The following FHIT variants were observed in gnomAD, a reference collection of about 807,000 sequenced individuals.
FHIT encodes the protein fragile histidine triad diadenosine triphosphatase.
In FHIT, 19 loss-of-function variants were observed where a neutral mutation model predicts 17.9. That is an observed-to-expected ratio of 1.06 (90% CI 0.74 to 1.56). The LOEUF (loss-of-function observed/expected upper bound fraction) is 1.56. Among genes scored for constraint, FHIT ranks in the 40% most tolerant of loss-of-function variants. The pLI, the probability that FHIT is intolerant of heterozygous loss-of-function variation, is 0.00. For synonymous variants in FHIT, 81 were observed against 69.7 expected (o/e 1.16, Z -0.81); for missense variants, 248 against 189.2 (o/e 1.31, Z -1.82).
At chr3:59,761,246 G>C (rs1341215255) in intron 8 of FHIT, among the ~76,000 whole-genome samples, 1 of 152,182 alleles carries the variant, frequency 6.6e-6, no homozygotes, top group Non-Finnish European at 1.5e-5. Context: ...TCAAGTAATA[G>C]TAAGCCCTAA....
intron 8 of FHIT, among the ~76,000 whole-genome samples, chr3:59,855,461 C>T (rs893568537): frequency 1.3e-5 from 2 of 152,092 alleles, no homozygotes; most frequent in African/African-American, 4.8e-5. Flanking sequence ...GGATTCCATC[C>T]TTATTTAATC....
At chr3:60,548,072 G>A (rs2036426692) in intron 4 of FHIT, among the ~76,000 whole-genome samples, 1 of 151,854 alleles carries the variant, frequency 6.6e-6, no homozygotes, top group African/African-American at 2.4e-5. Flanking sequence ...CCCTTAATCT[G>A]GTGGGCACAA....
At chr3:60,263,603 C>G (rs1024199842) in intron 5 of FHIT, among the ~76,000 whole-genome samples, 1 of 151,872 alleles carries the variant, frequency 6.6e-6, no homozygotes, top group Non-Finnish European at 1.5e-5. Flanking sequence ...ATACAAAATA[C>G]TTAAAAAGCC....
intron 4 of FHIT, among the ~76,000 whole-genome samples, chr3:60,812,465 A>G (rs1467068572): frequency 6.6e-6 from 1 of 152,160 alleles, no homozygotes; most frequent in Non-Finnish European, 1.5e-5. Context: ...CCAGAAGTAC[A>G]GAACTTTATC....
intron 4 of FHIT, among the ~76,000 whole-genome samples, chr3:60,797,655 G>C (rs1159174523): frequency 1.3e-5 from 2 of 149,182 alleles, no homozygotes; most frequent in African/African-American, 5.0e-5. Flanking sequence ...TTTAAATTTA[G>C]GTTGCAACAT....
At chr3:60,993,002 G>T (rs368090704) in intron 3 of FHIT, among the ~76,000 whole-genome samples, 1 of 152,234 alleles carries the variant, frequency 6.6e-6, no homozygotes, top group African/African-American at 2.4e-5. Context: ...GTCCCATCGC[G>T]TGGCATTAAA....
chr3:60,176,225 G>T (rs1280024293), intron 5 of FHIT, among the ~76,000 whole-genome samples: 1 of 152,048 alleles, frequency 6.6e-6, no homozygotes, highest in African/African-American at 2.4e-5. Flanking sequence ...GTTGGTATGT[G>T]CCTGTAATCC....
At chr3:60,462,989 G>C (rs2032570277) in intron 5 of FHIT, among the ~76,000 whole-genome samples, 1 of 152,178 alleles carries the variant, frequency 6.6e-6, no homozygotes, top group Admixed American at 6.5e-5. Flanking sequence ...CACACTGAGG[G>C]AGCAGCTGCT....
intron 3 of FHIT, among the ~76,000 whole-genome samples, chr3:60,993,656 A>C (rs971984393): frequency 1.3e-5 from 2 of 152,250 alleles, no homozygotes; most frequent in African/African-American, 4.8e-5. Flanking sequence ...AAAAGCAGGA[A>C]AGATATACTA....
Position 60,239,035 on chromosome 3 carries a change from T to G in FHIT, c.104-224883A>C, listed in dbSNP as rs533212093. ...GCATTTTTCTAAGAATGTATATACT[T>G]AGCCCAGGTCTGTTGCACACTGCAG... On this transcript the variant is annotated intron_variant, in intron 5 of 9. Coordinates refer to ENST00000492590, the MANE Select transcript of FHIT (RefSeq NM_002012.4). Among the ~76,000 whole-genome samples the G allele has an allele frequency of 2.0e-5, 3 of 152,322 alleles. No homozygotes were observed. The East Asian group carries it at 5.8e-4, about 29-fold the overall frequency.
chr3:59,924,460 A>G (rs1575704847), intron 7 of FHIT, among the ~76,000 whole-genome samples: 4 of 152,156 alleles, frequency 2.6e-5, no homozygotes, highest in South Asian at 2.1e-4. Context: ...CACAAAGTCT[A>G]TGTGTCAGTA....
chr3:60,175,099 A>C (rs1701609181), intron 5 of FHIT, among the ~76,000 whole-genome samples: 1 of 152,182 alleles, frequency 6.6e-6, no homozygotes, highest in South Asian at 2.1e-4. Context: ...TTCTGTGACG[A>C]TGACACTATG....
intron 7 of FHIT, among the ~76,000 whole-genome samples, chr3:59,980,300 G>C (rs1398822082): frequency 2.0e-5 from 3 of 152,136 alleles, no homozygotes; most frequent in Non-Finnish European, 4.4e-5. Flanking sequence ...TGGCTGAATG[G>C]ACAACAAGGA....
At chr3:60,661,376 A>G (rs2040243406) in intron 4 of FHIT, among the ~76,000 whole-genome samples, 1 of 152,154 alleles carries the variant, frequency 6.6e-6, no homozygotes, top group Non-Finnish European at 1.5e-5. Flanking sequence ...TGTGAATATC[A>G]TTATTTCATT....
intron 4 of FHIT, among the ~76,000 whole-genome samples, chr3:60,618,632 G>A (rs1366475999): frequency 6.6e-6 from 1 of 152,196 alleles, no homozygotes; most frequent in East Asian, 1.9e-4. Context: ...CACACCTAAA[G>A]ATGTCAACGT....
At chr3:60,298,973 T>G (rs9311757) in intron 5 of FHIT, among the ~76,000 whole-genome samples, 3,716 of 152,188 alleles carry the variant, frequency 0.024, 166 homozygotes, top group African/African-American at 0.084. Flanking sequence ...GTAATCTTCC[T>G]TTGAATGTAG....
intron 5 of FHIT, among the ~76,000 whole-genome samples, chr3:60,332,395 T>A (rs1033038559): frequency 6.6e-6 from 1 of 152,152 alleles, no homozygotes; most frequent in African/African-American, 2.4e-5. Flanking sequence ...CACTAGAGTA[T>A]CTACGATGGA....
At chr3:60,827,192 A>G (rs1453989866) in intron 3 of FHIT, among the ~76,000 whole-genome samples, 1 of 152,202 alleles carries the variant, frequency 6.6e-6, no homozygotes, top group African/African-American at 2.4e-5. Context: ...AAGTTCAGTA[A>G]TCATGAAGTG....
chr3:60,338,997 A>C (rs749126754), intron 5 of FHIT, among the ~76,000 whole-genome samples: 6 of 152,122 alleles, frequency 3.9e-5, no homozygotes, highest in Non-Finnish European at 7.4e-5. Context: ...AAAGGAGGGG[A>C]CCCACAGAAG....
Sources: gnomAD v4.1 joint callset for allele counts (sites outside exome capture counted in the v4.1 genomes callset) on GRCh38, gnomAD v4.1.1 for gene constraint, MANE v1.5 for transcripts, NCBI Gene and HGNC (gene_info 2026-07-23, HGNC 2026-07-21) for gene names.